The following POU6F2 variants were observed in gnomAD, a reference collection of about 807,000 sequenced individuals.
POU6F2 encodes the protein POU class 6 homeobox 2.
POU6F2 carries 31 observed loss-of-function variants against 71.3 expected under a neutral mutation model. The ratio of observed to expected loss-of-function variants is 0.43; its 90% CI spans 0.33 to 0.59. The LOEUF (loss-of-function observed/expected upper bound fraction) is 0.59. Among genes scored for constraint, POU6F2 ranks in the 20% least tolerant of loss-of-function variants. POU6F2 has a pLI of 0.04. For missense variants in POU6F2, 783 were observed against 856.8 expected (o/e 0.91, Z 1.07); for synonymous variants, 347 against 355.7 (o/e 0.98, Z 0.27).
chr7:39,176,977 C>T (rs565774478), intron 2 of POU6F2, among the ~76,000 whole-genome samples: 154 of 152,298 alleles, frequency 1.0e-3, no homozygotes, highest in African/African-American at 3.5e-3. Flanking sequence ...CCTTTGCAGC[C>T]GCATCTCATG....
At chr7:39,268,922 A>G (rs3923295) in intron 4 of POU6F2, among the ~76,000 whole-genome samples, 41,898 of 152,016 alleles carry the variant, frequency 0.28, 6,406 homozygotes, top group African/African-American at 0.41. Context: ...TGCTAATCCC[A>G]TGCTCCTGGA....
intron 4 of POU6F2, among the ~76,000 whole-genome samples, chr7:39,269,816 G>A (rs778229583): frequency 2.0e-5 from 3 of 152,068 alleles, no homozygotes; most frequent in South Asian, 2.1e-4. Flanking sequence ...CAGTGTGAGG[G>A]TCATATAATC....
chr7:39,281,130 A>G (rs1196368038), intron 4 of POU6F2, among the ~76,000 whole-genome samples: 2 of 152,186 alleles, frequency 1.3e-5, no homozygotes, highest in African/African-American at 4.8e-5. Context: ...ATTTTGATAA[A>G]ATATACATAA....
chr7:39,464,953 G>C lies in POU6F2; in HGVS notation c.*267G>C. 2.4e-6 allele frequency: 1 copy of C among 410,012 alleles called. No individual in the cohort carries two copies. The highest frequency in any genetic ancestry group is 4.3e-6 in the Non-Finnish European group (1 of 234,082). 25.4% of individuals were successfully genotyped at this position (410,012 alleles called of 1,614,324 possible). On this transcript the variant is annotated 3_prime_UTR_variant, in exon 10 of 10. Transcript: ENST00000518318. This position sits in a 1 kb window ranked among gnomAD's most constrained non-coding sequence, Gnocchi z 4.1. ...CACTGAAGGTGTGTGTGGTAGGATA[G>C]TTCCCTTCCCCCACCTGTCTCCCCC...
In POU6F2 at chr7:39,234,408, A is replaced by AG. The variant is rs1242942799; in HGVS notation, c.598+26790dup. Among the ~76,000 whole-genome samples, 5 of 152,238 alleles carry AG rather than the reference A, an allele frequency of 3.3e-5. No individual in the cohort carries two copies. In the East Asian group the frequency reaches 5.8e-4, roughly 18 times the overall value. On this transcript the variant is annotated intron_variant, in intron 4 of 9. Coordinates refer to ENST00000518318, the MANE Select transcript of POU6F2 (RefSeq NM_001370959.1). The stretch of plus-strand genomic sequence containing the variant: ...TGCCTCCTGGTATTGTGCAGTGCTG[A>AG]GGCCCTGAGTGCTCTTAAGCCTTAG...
chr7:39,055,606 A>T (rs1790490541), intron 1 of POU6F2, among the ~76,000 whole-genome samples: 1 of 152,034 alleles, frequency 6.6e-6, no homozygotes, highest in Non-Finnish European at 1.5e-5. Flanking sequence ...TCCAATCATG[A>T]CTTCTTTGTT....
chr7:39,082,199 T>C (rs1335655986), intron 1 of POU6F2, among the ~76,000 whole-genome samples: 2 of 152,244 alleles, frequency 1.3e-5, no homozygotes, highest in Admixed American at 6.5e-5. Flanking sequence ...ATTTTGCTAA[T>C]AGAAACTACT....
chr7:39,118,068 T>C (rs189951179), intron 2 of POU6F2, among the ~76,000 whole-genome samples: 117 of 152,266 alleles, frequency 7.7e-4, no homozygotes, highest in Non-Finnish European at 1.5e-4. Flanking sequence ...TAGACTCTTA[T>C]AATACCGCCT....
At chr7:39,172,225 AT>A (rs996950640) in intron 2 of POU6F2, among the ~76,000 whole-genome samples, 2 of 152,110 alleles carry the variant, frequency 1.3e-5, no homozygotes, top group African/African-American at 4.8e-5. Context: ...GATCACATAC[AT>A]TTTTTAGTAT....
intron 6 of POU6F2, among the ~76,000 whole-genome samples, chr7:39,419,100 T>TAC (rs936325476): frequency 2.5e-4 from 18 of 72,508 alleles, no homozygotes; most frequent in Non-Finnish European, 4.0e-4. Flanking sequence ...TGTGTATATA[T>TAC]ACACATATAT....
chr7:39,225,570 G>C (rs1029566463), intron 4 of POU6F2, among the ~76,000 whole-genome samples: 3 of 151,916 alleles, frequency 2.0e-5, no homozygotes. Context: ...CAATGTACTG[G>C]GGTTGAATTT....
At chr7:39,442,425 G>A (rs551958720) in intron 7 of POU6F2, among the ~76,000 whole-genome samples, 18 of 152,314 alleles carry the variant, frequency 1.2e-4, no homozygotes, top group African/African-American at 3.8e-4. Flanking sequence ...GTCTGAATCT[G>A]TACACTTTCT....
At chr7:39,376,456 G>A (rs1447205387) in intron 5 of POU6F2, among the ~76,000 whole-genome samples, 1 of 152,180 alleles carries the variant, frequency 6.6e-6, no homozygotes, top group African/African-American at 2.4e-5. Flanking sequence ...GGAGAATAAG[G>A]TCTCCAGAAG....
At position 39,467,599 on chromosome 7, in the gene POU6F2, CTT is replaced by C. The variant is rs1789100816; in HGVS notation, c.*2914_*2915del. ...ATGACAGTGGATATTACATTTTACACTTGTTTATAGATTTTCTTTCTTTTTCA... is the reference window on the plus strand; with the variant it reads ...ATGACAGTGGATATTACATTTTACACGTTTATAGATTTTCTTTCTTTTTCA... On this transcript the variant is annotated 3_prime_UTR_variant, in exon 10 of 10. Transcript: ENST00000518318. 1 of 152,186 alleles carries C rather than the reference CTT, an allele frequency of 6.6e-6. No homozygotes were observed. Among genetic ancestry groups the C allele is most frequent in the Admixed American group, 6.5e-5 (1 of 15,282 alleles). The allele number at this position is 152,186 out of a possible 1,614,324, so 9.4% of individuals were successfully genotyped here. A position where few individuals can be genotyped will look rare whatever the true frequency, so the allele number is the denominator to read the frequency against.
At chr7:39,414,993 G>T (rs759132642) in intron 6 of POU6F2, among the ~76,000 whole-genome samples, 13 of 150,590 alleles carry the variant, frequency 8.6e-5, no homozygotes, top group South Asian at 8.4e-4. Flanking sequence ...TCTGGCTGCT[G>T]CAGCGTTTTG....
chr7:39,207,368 C>A, intron 3 of POU6F2, 24 bp from the exon 4 acceptor site: 2 of 1,604,854 alleles, frequency 1.2e-6, no homozygotes, highest in Non-Finnish European at 1.7e-6. Context: ...GGAAAGTGAG[C>A]TAGCTGTATC....
intron 4 of POU6F2, among the ~76,000 whole-genome samples, chr7:39,237,364 T>C (rs1362481603): frequency 6.6e-6 from 1 of 152,236 alleles, no homozygotes; most frequent in Non-Finnish European, 1.5e-5. Flanking sequence ...ATGTTTTATG[T>C]GTAGCATTAA....
intron 6 of POU6F2, among the ~76,000 whole-genome samples, chr7:39,423,069 T>C (rs2190890): frequency 0.36 from 54,183 of 152,038 alleles, 11,108 homozygotes; most frequent in East Asian, 0.61. Flanking sequence ...CATATTTCAA[T>C]GAAGGGTTAA....
intron 1 of POU6F2, among the ~76,000 whole-genome samples, chr7:39,003,444 A>G (rs1377597297): frequency 1.3e-5 from 2 of 152,056 alleles, no homozygotes; most frequent in Non-Finnish European, 2.9e-5. Context: ...ATGTCTTAAA[A>G]GAAGGAAGTG....
Sources: gnomAD v4.1 joint callset for allele counts (sites outside exome capture counted in the v4.1 genomes callset) on GRCh38, gnomAD v4.1.1 for gene constraint, Gnocchi (gnomAD v3.1) non-coding constraint, MANE v1.5 for transcripts, NCBI Gene and HGNC (gene_info 2026-07-23, HGNC 2026-07-21) for gene names.